GNAO1: variants seen among roughly 807,000 people sequenced by gnomAD.
The protein encoded by GNAO1 is guanine nucleotide-binding protein G(o) subunit alpha.
For missense variants in GNAO1, 166 were observed against 478.7 expected (o/e 0.35, Z 6.10); for synonymous variants, 164 against 180.7 (o/e 0.91, Z 0.74).
chr16:56,327,409 G>A (rs1219961589), intron 3 of GNAO1, among the ~76,000 whole-genome samples: 12 of 152,210 alleles, frequency 7.9e-5, no homozygotes, highest in African/African-American at 2.6e-4. Flanking sequence ...CTGAAGAGGC[G>A]CAGGGCAAAG....
At chr16:56,262,512 T>A (rs2036913025) in intron 2 of GNAO1, among the ~76,000 whole-genome samples, 1 of 152,048 alleles carries the variant, frequency 6.6e-6, no homozygotes, top group Admixed American at 6.5e-5. Context: ...ACATAAATAA[T>A]GAACAAACAT....
At chr16:56,297,134 C>T (rs1296440816) in intron 3 of GNAO1, among the ~76,000 whole-genome samples, 1 of 152,180 alleles carries the variant, frequency 6.6e-6, no homozygotes, top group Non-Finnish European at 1.5e-5. Context: ...ACGGGATTCC[C>T]TGTACCCAGG....
intron 3 of GNAO1, among the ~76,000 whole-genome samples, chr16:56,291,103 C>T (rs553956139): frequency 6.6e-6 from 1 of 152,282 alleles, no homozygotes; most frequent in South Asian, 2.1e-4. Context: ...TGTACAGACT[C>T]ATGTTTTCAT....
At chr16:56,247,400 C>T (rs529935259) in intron 2 of GNAO1, among the ~76,000 whole-genome samples, 38 of 152,184 alleles carry the variant, frequency 2.5e-4, no homozygotes, top group African/African-American at 8.9e-4. Context: ...CTTCCTCCTT[C>T]TCTGAGCCCC....
At chr16:56,192,510 C>A (rs1049369452) in intron 1 of GNAO1, 64 bp from the exon 2 acceptor site, 1 of 1,039,264 alleles carries the variant, frequency 9.6e-7, no homozygotes, top group Non-Finnish European at 1.5e-6. Flanking sequence ...CCTTAGTCCC[C>A]CCCTCCCCCT....
chr16:56,352,059 T>C, intron 7 of GNAO1: 1 of 154,332 alleles, frequency 6.5e-6, no homozygotes, highest in Non-Finnish European at 1.4e-5. Flanking sequence ...GCCAGACCAC[T>C]CCACCCATCC....
At chr16:56,295,094 A>T (rs2143569073) in intron 3 of GNAO1, among the ~76,000 whole-genome samples, 1 of 152,242 alleles carries the variant, frequency 6.6e-6, no homozygotes, top group South Asian at 2.1e-4. Flanking sequence ...TAAATGGTAA[A>T]TGGTTTGTTT....
At position 56,355,125 on chromosome 16, in the gene GNAO1, T is replaced by TACACACACACACAC. The variant is rs59437828; in HGVS notation, c.*28+61_*28+74dup. Reference sequence around the variant, plus strand: ...ACAGAACAGCTTGCGTGCGCGCGCATACACACACACACACACACACACACA... The same window carrying TACACACACACACAC: ...ACAGAACAGCTTGCGTGCGCGCGCATACACACACACACACACACACACACACACACACACACACA... On this transcript the variant is annotated intron_variant, in intron 8 of 8. Transcript: ENST00000262493. 613 of 556,322 alleles carry TACACACACACACAC rather than the reference T, an allele frequency of 1.1e-3. 14 individuals carry two copies. The highest frequency in any genetic ancestry group is 5.6e-3 in the South Asian group (206 of 36,656). The allele number at this position is 556,322 out of a possible 1,614,324, so 34.5% of individuals were successfully genotyped here.
At chr16:56,218,410 A>G (rs1375049066) in intron 2 of GNAO1, among the ~76,000 whole-genome samples, 1 of 152,172 alleles carries the variant, frequency 6.6e-6, no homozygotes, top group Admixed American at 6.5e-5. Flanking sequence ...AGAAAACCCA[A>G]GTGGAGCACA....
chr16:56,199,355 A>G (rs1170960589), intron 2 of GNAO1, among the ~76,000 whole-genome samples: 2 of 152,198 alleles, frequency 1.3e-5, no homozygotes, highest in African/African-American at 4.8e-5. Context: ...ATCTGAAAGT[A>G]TCTCATTAGT....
intron 2 of GNAO1, among the ~76,000 whole-genome samples, chr16:56,211,932 G>T (rs548619376): frequency 1.1e-3 from 174 of 152,310 alleles, no homozygotes; most frequent in African/African-American, 3.7e-3. Flanking sequence ...TCTTCACAGG[G>T]TGACTGTAAA....
intron 3 of GNAO1, among the ~76,000 whole-genome samples, chr16:56,295,580 C>T (rs2037279403): frequency 2.0e-5 from 3 of 152,182 alleles, no homozygotes; most frequent in Non-Finnish European, 1.5e-5. Flanking sequence ...GAAAGCACCA[C>T]CTTTCTCCCA....
chr16:56,289,194 G>C (rs1330234299), intron 3 of GNAO1, among the ~76,000 whole-genome samples: 1 of 152,214 alleles, frequency 6.6e-6, no homozygotes, highest in African/African-American at 2.4e-5. Context: ...GCCTTGGTGA[G>C]CCCCCAGTGC....
At chr16:56,275,817 T>A in intron 2 of GNAO1, 114 bp from the exon 3 acceptor site, 2 of 759,418 alleles carry the variant, frequency 2.6e-6, no homozygotes, top group Non-Finnish European at 3.9e-6. Context: ...ACTCAGTAAC[T>A]CAGCATCTCG....
chr16:56,232,230 TG>T (rs761149128), intron 2 of GNAO1, among the ~76,000 whole-genome samples: 1 of 152,254 alleles, frequency 6.6e-6, no homozygotes, highest in Non-Finnish European at 1.5e-5. Context: ...GGCTTCCTAA[TG>T]CTTGCTGTAA....
At chr16:56,247,947 C>T (rs1458408819) in intron 2 of GNAO1, among the ~76,000 whole-genome samples, 1 of 152,112 alleles carries the variant, frequency 6.6e-6, no homozygotes. Context: ...TGCATTCTCA[C>T]ACACATTGGT....
intron 2 of GNAO1, among the ~76,000 whole-genome samples, chr16:56,198,319 C>T (rs773721163): frequency 1.1e-4 from 17 of 152,220 alleles, no homozygotes; most frequent in Non-Finnish European, 2.2e-4. Context: ...TCTTCCATCC[C>T]TCTCATTCAC....
chr16:56,319,860 C>T (rs1428266266), intron 3 of GNAO1, among the ~76,000 whole-genome samples: 2 of 152,110 alleles, frequency 1.3e-5, no homozygotes, highest in Non-Finnish European at 2.9e-5. Context: ...CCTCTCCTTG[C>T]CCACCCCTTT....
Position 56,357,363 on chromosome 16 carries a change from G to T in GNAO1, c.*1289G>T, listed in dbSNP as rs182130070. The T allele has an allele frequency of 1.1e-4, 16 of 152,198 alleles. No individual in the cohort carries two copies. The highest frequency in any genetic ancestry group is 6.5e-4 in the Admixed American group (10 of 15,296). The allele number at this position is 152,198 out of a possible 1,614,324, so 9.4% of individuals were successfully genotyped here. On this transcript the variant is annotated 3_prime_UTR_variant, in exon 9 of 9. Transcript: ENST00000262493. The stretch of plus-strand genomic sequence containing the variant: ...TATTCCCAATCGGTGAGGTTTCTGT[G>T]ATATCTTACACACTGCCAGTCTACT...
Sources: gnomAD v4.1 joint callset for allele counts (sites outside exome capture counted in the v4.1 genomes callset) on GRCh38, gnomAD v4.1.1 for gene constraint, MANE v1.5 for transcripts, NCBI Gene and HGNC (gene_info 2026-07-23, HGNC 2026-07-21) for gene names.